DPP6: variants seen among roughly 807,000 people sequenced by gnomAD.
DPP6 encodes the protein A-type potassium channel modulatory protein DPP6.
Under a neutral mutation model 122.6 loss-of-function variants are expected in DPP6, and 69 were observed. The observed-to-expected ratio is 0.56, with a 90% CI of 0.46 to 0.69. The LOEUF is 0.69. Among genes scored for constraint, DPP6 ranks in the 30% least tolerant of loss-of-function variants. DPP6 has a pLI of 0.00. For missense variants in DPP6, 928 were observed against 1,116.9 expected, an observed-to-expected ratio of 0.83 and a Z score of 2.41; for synonymous variants, 418 against 433.1, an observed-to-expected ratio of 0.97 and a Z score of 0.43.
chr7:154,718,868 G>A (rs1232473427), intron 7 of DPP6, among the ~76,000 whole-genome samples: 1 of 151,966 alleles, frequency 6.6e-6, no homozygotes, highest in Non-Finnish European at 1.5e-5. Flanking sequence ...TCAAACTTCT[G>A]ACCTCAGGTG....
intron 1 of DPP6, among the ~76,000 whole-genome samples, chr7:154,136,543 A>AT (rs1342393018): frequency 6.6e-6 from 1 of 152,170 alleles, no homozygotes; most frequent in African/African-American, 2.4e-5. Flanking sequence ...TGTTGTCAAT[A>AT]CATTTTCAGA....
At chr7:154,477,754 A>G (rs903438460) in intron 3 of DPP6, among the ~76,000 whole-genome samples, 1 of 152,202 alleles carries the variant, frequency 6.6e-6, no homozygotes, top group South Asian at 2.1e-4. Context: ...CTATGTGCCC[A>G]GCAGAAAATG....
At chr7:154,187,178 A>T (rs1798390704) in intron 1 of DPP6, among the ~76,000 whole-genome samples, 1 of 152,254 alleles carries the variant, frequency 6.6e-6, no homozygotes, top group Non-Finnish European at 1.5e-5. Context: ...TATGAAATGG[A>T]ACATTATTAT....
chr7:154,609,782 A>T (rs965287541), intron 5 of DPP6, among the ~76,000 whole-genome samples: 3 of 152,172 alleles, frequency 2.0e-5, no homozygotes, highest in Non-Finnish European at 4.4e-5. Flanking sequence ...TTCCCAAGTT[A>T]TTTCTACTTT....
chr7:153,923,482 C>T, intron 1 of DPP6, among the ~76,000 whole-genome samples: 1 of 152,116 alleles, frequency 6.6e-6, no homozygotes, highest in South Asian at 2.1e-4. Flanking sequence ...TTCATCTTGG[C>T]CCGGCGTGGT....
intron 1 of DPP6, among the ~76,000 whole-genome samples, chr7:153,927,586 A>G (rs1800959949): frequency 6.6e-6 from 1 of 152,216 alleles, no homozygotes; most frequent in Non-Finnish European, 1.5e-5. Flanking sequence ...CAACTAAATT[A>G]CTCAGTGTAT....
chr7:154,308,133 G>A (rs1005245142), intron 1 of DPP6, among the ~76,000 whole-genome samples: 1 of 151,974 alleles, frequency 6.6e-6, no homozygotes, highest in African/African-American at 2.4e-5. Flanking sequence ...TTACTTCTTA[G>A]CAAGTGAACA....
intron 10 of DPP6, among the ~76,000 whole-genome samples, chr7:154,776,242 T>C (rs1339710996): frequency 1.4e-5 from 1 of 69,522 alleles, no homozygotes; most frequent in Admixed American, 1.2e-4. Flanking sequence ...GATAAACAGA[T>C]ACATAGATAG....
At chr7:154,460,360 C>A (rs1821192185) in intron 2 of DPP6, among the ~76,000 whole-genome samples, 2 of 152,154 alleles carry the variant, frequency 1.3e-5, no homozygotes, top group African/African-American at 4.8e-5. Flanking sequence ...AATTTAGCTG[C>A]TTTACATTTT....
intron 1 of DPP6, among the ~76,000 whole-genome samples, chr7:154,433,632 A>T (rs1414735650): frequency 1.3e-5 from 2 of 152,184 alleles, no homozygotes; most frequent in African/African-American, 4.8e-5. Context: ...TGAGAAATAC[A>T]TGAAGCTATT....
rs1815810072 is a variant in DPP6 at position 154,403,402 on chromosome 7, C to G, written c.244-42812C>G. 6.6e-6 allele frequency among the ~76,000 whole-genome samples: 1 copy of G among 152,192 alleles called. No individual in the cohort carries two copies. Among genetic ancestry groups the G allele is most frequent in the Non-Finnish European group, 1.5e-5 (1 of 68,046 alleles). On this transcript the variant is annotated intron_variant, in intron 1 of 25. Coordinates refer to ENST00000377770, the MANE Select transcript of DPP6 (RefSeq NM_130797.4). The surrounding 1 kb of genome is among the most constrained non-coding windows in gnomAD (Gnocchi z 4.1). Reference sequence around the variant, plus strand: ...TGAGGACTGGAGTTGCGGTAGATGCCTCCTGGGTGTTGAAGAGTCCGAAGG... The same window carrying G: ...TGAGGACTGGAGTTGCGGTAGATGCGTCCTGGGTGTTGAAGAGTCCGAAGG...
intron 1 of DPP6, among the ~76,000 whole-genome samples, chr7:154,389,472 A>G (rs73495266): frequency 0.033 from 5,016 of 152,278 alleles, 144 homozygotes; most frequent in Middle Eastern, 0.071. Flanking sequence ...CACTGCTGAA[A>G]AAAATCAGTG....
chr7:154,186,625 A>G (rs1427576850), intron 1 of DPP6, among the ~76,000 whole-genome samples: 1 of 152,238 alleles, frequency 6.6e-6, no homozygotes, highest in Non-Finnish European at 1.5e-5. Flanking sequence ...GAGTACTCAG[A>G]GGAGGACTCC....
chr7:154,201,834 C>G (rs578138017), intron 1 of DPP6, among the ~76,000 whole-genome samples: 3 of 152,332 alleles, frequency 2.0e-5, no homozygotes, highest in Admixed American at 6.5e-5. Flanking sequence ...AACACATGTC[C>G]TGAAACCATC....
intron 1 of DPP6, among the ~76,000 whole-genome samples, chr7:154,062,109 AC>A (rs1258227493): frequency 1.0e-5 from 1 of 98,170 alleles, no homozygotes; most frequent in African/African-American, 3.9e-5. Flanking sequence ...GGGGGGACGC[AC>A]CCCCCGCGAG....
chr7:154,049,053 A>G (rs1350423042), upstream of DPP6, among the ~76,000 whole-genome samples: 1 of 150,408 alleles, frequency 6.6e-6, no homozygotes, highest in East Asian at 1.9e-4. Context: ...GGTTGGGGGC[A>G]TTTGGTTTGG....
In DPP6 at chr7:154,690,993, G is replaced by GT. The variant is rs777450923; in HGVS notation, c.762+21554dup. On this transcript the variant is annotated intron_variant, in intron 7 of 25. Coordinates refer to ENST00000377770, the MANE Select transcript of DPP6 (RefSeq NM_130797.4). ...TGGTAAAACATAGAACATTTCTCAG[G>GT]TTATTGTTTCAAAATACACTGTGGT... is the stretch of plus-strand genomic sequence containing the variant. Among the ~76,000 whole-genome samples, 195 of 152,290 alleles carry GT rather than the reference G, an allele frequency of 1.3e-3. 1 individual carries two copies. Among genetic ancestry groups the GT allele is most frequent in the Non-Finnish European group, 2.3e-3 (154 of 68,028 alleles).
At chr7:154,250,141 G>A (rs1044938321) in intron 1 of DPP6, among the ~76,000 whole-genome samples, 16 of 152,070 alleles carry the variant, frequency 1.1e-4, no homozygotes, top group African/African-American at 2.7e-4. Flanking sequence ...CCTCTCAAGC[G>A]GACTCCCTTA....
At chr7:153,806,614 G>A in the DPP6 span, among the ~76,000 whole-genome samples, 182 of 152,002 alleles carry the variant, frequency 1.2e-3, 1 homozygote, top group African/African-American at 4.2e-3. Context: ...ATGGCTTATG[G>A]TCTTTATTAC....
Sources: gnomAD v4.1 joint callset for allele counts (sites outside exome capture counted in the v4.1 genomes callset) on GRCh38, gnomAD v4.1.1 for gene constraint, Gnocchi (gnomAD v3.1) non-coding constraint, MANE v1.5 for transcripts, NCBI Gene and HGNC (gene_info 2026-07-23, HGNC 2026-07-21) for gene names.